CDHR2: variants seen among roughly 807,000 people sequenced by gnomAD.
The protein encoded by CDHR2 is cadherin-related family member 2.
A neutral mutation model predicts 138.6 loss-of-function variants in CDHR2; 104 were observed. The ratio of observed to expected loss-of-function variants is 0.75; its 90% confidence interval spans 0.64 to 0.88. CDHR2 has a LOEUF of 0.88. Among genes scored for constraint, CDHR2 ranks in the 40% least tolerant of loss-of-function variants. The pLI is 0.00. For missense variants in CDHR2, 1,624 were observed against 1,727.6 expected (o/e 0.94, Z 1.06); for synonymous variants, 755 against 742.8 (o/e 1.02, Z -0.27).
chr5:176,575,040 A>G (rs1441893857), intron 7 of CDHR2, 44 bp from the exon 8 acceptor site: 7 of 1,611,222 alleles, frequency 4.3e-6, no homozygotes, highest in Non-Finnish European at 5.1e-6. Context: ...TCCTCGGTGC[A>G]GGGCTGTCCC....
At chr5:176,549,714 C>T (rs188066497) in intron 1 of CDHR2, among the ~76,000 whole-genome samples, 11 of 152,284 alleles carry the variant, frequency 7.2e-5, no homozygotes, top group Non-Finnish European at 8.8e-5. Context: ...CCCAGGGAAA[C>T]GAGGTAACTG....
In CDHR2 at chr5:176,584,591, A is replaced by G; in HGVS notation, c.2310A>G (p.Thr770=). The G allele has an allele frequency of 6.2e-7, 1 of 1,607,566 alleles. No individual in the cohort carries two copies. The highest frequency in any genetic ancestry group is 8.5e-7 in the Non-Finnish European group (1 of 1,175,478). ...LPPDVSLDYE[T]QPVFNLTVSA... ...CGGACGTGAGCCTGGATTACGAGAC[A>G]CAGCCCGTCTTCAACTTGACAGTGA... The change falls in exon 19 of 32, where the codon ACA becomes ACG. Residue 770 remains threonine (T), a synonymous_variant. Transcript: ENST00000261944.
At chr5:176,593,428 A>G (rs763929854) in intron 31 of CDHR2, among the ~76,000 whole-genome samples, 10 of 152,058 alleles carry the variant, frequency 6.6e-5, no homozygotes, top group Admixed American at 2.0e-4. Flanking sequence ...ACCTGTTGTA[A>G]AAGCCGCTCA....
At chr5:176,556,533 C>T (rs1757829789) in intron 1 of CDHR2, among the ~76,000 whole-genome samples, 1 of 152,154 alleles carries the variant, frequency 6.6e-6, no homozygotes, top group South Asian at 2.1e-4. Flanking sequence ...GGTGTGGTGG[C>T]AGGCACCTGT....
chr5:176,588,536 GGTGA>G (rs1209694172), intron 21 of CDHR2, among the ~76,000 whole-genome samples: 12 of 128,918 alleles, frequency 9.3e-5, no homozygotes, highest in South Asian at 5.0e-4. Flanking sequence ...AGTGTGTTAG[GGTGA>G]GTGAGTGTAT....
chr5:176,585,960 T>C lies in CDHR2; in HGVS notation c.2741T>C (p.Leu914Pro). The C allele has an allele frequency of 6.2e-7, 1 of 1,613,612 alleles. No individual in the cohort carries two copies. Among genetic ancestry groups the C allele is most frequent in the Non-Finnish European group, 8.5e-7 (1 of 1,179,568 alleles). The change falls in exon 20 of 32, where the codon CTC (leucine) becomes CCC (proline). Residue 914 changes from leucine (L) to proline (P), a missense_variant. Around this residue, in one of 3 missense-constraint regions of CDHR2, gnomAD observed 556 missense variants for 565.7 expected, o/e 0.98. Transcript: ENST00000261944. ...GFQAYSNNGS[L>P]LITIEDVNDN... ...AGCTGACCTTGTCTCCTAGGAAGCC[T>C]CCTCATTACCATTGAGGACGTGAAT...
intron 10 of CDHR2, 65 bp downstream of exon 10, chr5:176,575,646 C>T: frequency 6.2e-7 from 1 of 1,601,790 alleles, no homozygotes; most frequent in Non-Finnish European, 8.6e-7. Context: ...CGTCAGAGTC[C>T]CTGGAGGCAA....
Position 176,584,924 on chromosome 5 carries a change from C to G in CDHR2, c.2643C>G (p.Ala881=). 1 of 1,605,048 alleles carries G rather than the reference C, an allele frequency of 6.2e-7. No homozygotes were observed. Among genetic ancestry groups the G allele is most frequent in the Non-Finnish European group, 8.5e-7 (1 of 1,175,648 alleles). Residue 881 remains alanine, a synonymous_variant, in exon 19 of 32, where the codon GCC becomes GCG. Coordinates refer to ENST00000261944, the MANE Select transcript of CDHR2 (RefSeq NM_017675.6). The part of the protein sequence containing the change: ...NGSVYINQSK[A]IDYEACDLVT... ...CTGTGTACATCAACCAGAGCAAAGC[C>G]ATCGACTACGAGGCCTGTGACCTGG...
intron 1 of CDHR2, among the ~76,000 whole-genome samples, chr5:176,555,257 A>G (rs976144111): frequency 6.6e-6 from 1 of 152,164 alleles, no homozygotes; most frequent in African/African-American, 2.4e-5. Context: ...TGGGGTCCAC[A>G]TCTGAACTGG....
At chr5:176,552,537 G>A (rs1411685781) in intron 1 of CDHR2, among the ~76,000 whole-genome samples, 7 of 152,236 alleles carry the variant, frequency 4.6e-5, no homozygotes, top group African/African-American at 1.7e-4. Flanking sequence ...GAGCCATGGA[G>A]GAGATTTGAG....
intron 20 of CDHR2, 115 bp from the exon 21 acceptor site, chr5:176,586,676 GTA>G: frequency 1.2e-6 from 1 of 860,002 alleles, no homozygotes; most frequent in Non-Finnish European, 1.9e-6. Context: ...GTCTCTTTTG[GTA>G]GAGAGGTTGA....
In CDHR2 at chr5:176,595,550, A is replaced by G; in HGVS notation, c.3811A>G (p.Thr1271Ala). 6.2e-7 allele frequency: 1 copy of G among 1,608,108 alleles called. No individual in the cohort carries two copies. The change falls in exon 32 of 32, where the codon ACA (threonine) becomes GCA (alanine). Residue 1271 changes from threonine to alanine, a missense_variant. Thr to Ala is a moderately conservative substitution (Grantham distance 58). Around this residue, in one of 3 missense-constraint regions of CDHR2, gnomAD observed 556 missense variants for 565.7 expected, o/e 0.98. Transcript: ENST00000261944. ...CCTGCAGGAGCACAGGCCACCACACACACCACCAGAGCCAGATCCAGAGCC... is the reference window on the plus strand; with the variant it reads ...CCTGCAGGAGCACAGGCCACCACACGCACCACCAGAGCCAGATCCAGAGCC... ...QEIKEHRPPH[T>A]PPEPDPEPLS... is the part of the protein sequence containing the mutation.
intron 19 of CDHR2, 25 bp downstream of exon 19, chr5:176,585,040 C>T (rs1300161272): frequency 5.2e-6 from 8 of 1,527,362 alleles, no homozygotes; most frequent in African/African-American, 1.4e-5. Context: ...CCTTGCAGGG[C>T]TTGGCAGGCC....
rs1393454752 is a variant in CDHR2 at position 176,589,607 on chromosome 5, C to T, written c.3197C>T (p.Ala1066Val). The change falls in exon 24 of 32, where the codon GCG becomes GTG. Residue 1066 changes from alanine to valine, a missense_variant. By Grantham distance (64) the Ala-to-Val change is moderately conservative. This residue lies in a region of CDHR2 where 556 missense variants were observed against 565.7 expected (regional missense o/e 0.98). Coordinates refer to ENST00000261944, the MANE Select transcript of CDHR2 (RefSeq NM_017675.6). ...GAGGAGGTGGGCGCCAACAGACAGG[C>T]GATTAATGCGTAGGTCTGGGGAGCC... is the stretch of plus-strand genomic sequence containing the variant. ...PKEEVGANRQAINAALTQATR... is the reference protein window; with the variant it reads ...PKEEVGANRQVINAALTQATR... 8.1e-6 allele frequency: 13 copies of T among 1,613,704 alleles called. No homozygotes were observed. The highest frequency in any genetic ancestry group is 2.2e-5 in the East Asian group (1 of 44,868).
At chr5:176,556,326 G>A (rs1302791978) in intron 1 of CDHR2, among the ~76,000 whole-genome samples, 9 of 152,116 alleles carry the variant, frequency 5.9e-5, no homozygotes, top group South Asian at 4.1e-4. Flanking sequence ...CCAGGATAGC[G>A]CCATTGCACT....
At chr5:176,581,637 C>A in intron 17 of CDHR2, 55 bp downstream of exon 17, 1 of 1,593,668 alleles carries the variant, frequency 6.3e-7, no homozygotes. Context: ...CGATAGCCAG[C>A]CCCTCCAGCT....
intron 16 of CDHR2, 51 bp downstream of exon 16, chr5:176,578,659 C>T: frequency 5.6e-6 from 9 of 1,596,392 alleles, no homozygotes; most frequent in Non-Finnish European, 7.7e-6. Context: ...GGGACCAAGC[C>T]TGCTCTGTGG....
chr5:176,582,077 A>G (rs972909797), intron 17 of CDHR2, among the ~76,000 whole-genome samples: 3 of 152,162 alleles, frequency 2.0e-5, no homozygotes, highest in Non-Finnish European at 4.4e-5. Context: ...CTGCAGTGCA[A>G]TAGTGCCATC....
Position 176,555,354 on chromosome 5 carries a change from G to A in CDHR2, c.-16+5940G>A, listed in dbSNP as rs114092997. On this transcript the variant is annotated intron_variant, in intron 1 of 31. Transcript: ENST00000261944. ...AGGGAGAGGCGAGGGCCTTGGGATC[G>A]GAGAGTGGCTGTGAATCCCACTCAC... Among the ~76,000 whole-genome samples the A allele has an allele frequency of 4.8e-3, 729 of 152,302 alleles. 8 individuals are homozygous for A. Among genetic ancestry groups the A allele is most frequent in the African/African-American group, 0.017 (689 of 41,562 alleles).
Sources: gnomAD v4.1 joint callset for allele counts (sites outside exome capture counted in the v4.1 genomes callset) on GRCh38, gnomAD v4.1.1 for gene constraint, gnomAD v4.1.1 regional missense constraint, MANE v1.5 for transcripts, NCBI Gene and HGNC (gene_info 2026-07-23, HGNC 2026-07-21) for gene names.